Variants in NEGR1 observed in about 807,000 individuals in gnomAD.
The protein encoded by NEGR1 is neuronal growth regulator 1.
Under a neutral mutation model 40.9 loss-of-function variants are expected in NEGR1, and 10 were observed. The ratio of observed to expected loss-of-function variants is 0.24; its 90% CI spans 0.15 to 0.42. The LOEUF (loss-of-function observed/expected upper bound fraction) is 0.42, where lower values mean the gene tolerates loss of function less well. NEGR1 is among the 10% of genes least tolerant of loss of function. The pLI is 1.00. For missense variants in NEGR1, 352 were observed against 438.9 expected (o/e 0.80, Z 1.77); for synonymous variants, 185 against 166.8 (o/e 1.11, Z -0.84).
At chr1:71,959,221 T>C (rs769159641) in intron 1 of NEGR1, among the ~76,000 whole-genome samples, 1 of 152,090 alleles carries the variant, frequency 6.6e-6, no homozygotes, top group Admixed American at 6.6e-5. Flanking sequence ...AATCTATATA[T>C]ATAAAAATCC....
chr1:71,986,541 T>C (rs1307340657), intron 1 of NEGR1, among the ~76,000 whole-genome samples: 1 of 152,196 alleles, frequency 6.6e-6, no homozygotes, highest in Non-Finnish European at 1.5e-5. Flanking sequence ...TCTCCCTTTT[T>C]CTGCCTTCCT....
At chr1:71,725,396 G>C (rs1654638215) in intron 3 of NEGR1, among the ~76,000 whole-genome samples, 1 of 151,950 alleles carries the variant, frequency 6.6e-6, no homozygotes, top group South Asian at 2.1e-4. Context: ...GATACTCTTG[G>C]ATTGAACTTT....
chr1:71,474,584 G>A (rs956391311), intron 6 of NEGR1, among the ~76,000 whole-genome samples: 1 of 150,230 alleles, frequency 6.7e-6, no homozygotes, highest in African/African-American at 2.4e-5. Flanking sequence ...GGTGGCAGGT[G>A]CCTATAATCC....
At chr1:71,510,809 T>C (rs1180273930) in intron 6 of NEGR1, among the ~76,000 whole-genome samples, 5 of 152,224 alleles carry the variant, frequency 3.3e-5, no homozygotes, top group African/African-American at 9.6e-5. Context: ...ACTTCCGCTA[T>C]ACTTTGTGTC....
At chr1:71,635,409 C>A (rs1422547395) in intron 4 of NEGR1, among the ~76,000 whole-genome samples, 1 of 152,018 alleles carries the variant, frequency 6.6e-6, no homozygotes, top group Non-Finnish European at 1.5e-5. Flanking sequence ...AGAGTCAGGA[C>A]ATATTGCAGC....
intron 1 of NEGR1, among the ~76,000 whole-genome samples, chr1:71,990,913 TATATA>T (rs1406007554): frequency 2.5e-5 from 3 of 119,492 alleles, no homozygotes; most frequent in African/African-American, 9.0e-5. Context: ...CATATATATA[TATATA>T]TTTTTTTTTT....
At chr1:71,512,549 G>GT (rs1647081820) in intron 6 of NEGR1, among the ~76,000 whole-genome samples, 1 of 150,828 alleles carries the variant, frequency 6.6e-6, no homozygotes, top group Non-Finnish European at 1.5e-5. Flanking sequence ...CCTAACTTAA[G>GT]TAGCACTTAG....
chr1:71,634,700 C>G (rs984717801), intron 4 of NEGR1, among the ~76,000 whole-genome samples: 1 of 152,108 alleles, frequency 6.6e-6, no homozygotes. Context: ...TATTAAGAGT[C>G]ACTCCACATT....
intron 2 of NEGR1, among the ~76,000 whole-genome samples, chr1:71,781,594 A>G (rs7528030): frequency 0.073 from 11,089 of 152,198 alleles, 512 homozygotes; most frequent in East Asian, 0.14. Context: ...AATCTGGCTC[A>G]TAAACACTCA....
chr1:72,229,316 T>C (rs1022483220), intron 1 of NEGR1, among the ~76,000 whole-genome samples: 3 of 149,628 alleles, frequency 2.0e-5, no homozygotes, highest in Non-Finnish European at 3.0e-5. Flanking sequence ...CACAGATAAG[T>C]ACAAATTATA....
At chr1:71,668,610 C>A (rs548400966) in intron 4 of NEGR1, among the ~76,000 whole-genome samples, 1 of 152,082 alleles carries the variant, frequency 6.6e-6, no homozygotes, top group South Asian at 2.1e-4. Flanking sequence ...ACTGAAAGGA[C>A]TTATATTCAC....
At chr1:72,150,430 T>C (rs1553145829) in intron 1 of NEGR1, among the ~76,000 whole-genome samples, 1 of 152,040 alleles carries the variant, frequency 6.6e-6, no homozygotes, top group Non-Finnish European at 1.5e-5. Flanking sequence ...ATTGAAAAAA[T>C]AAACTGAAAT....
intron 2 of NEGR1, among the ~76,000 whole-genome samples, chr1:71,930,090 A>G (rs920319885): frequency 3.9e-5 from 6 of 152,204 alleles, no homozygotes; most frequent in African/African-American, 1.4e-4. Context: ...TTCATAGATT[A>G]AGGTGGTAAT....
chr1:71,468,984 A>G (rs1388137335), intron 6 of NEGR1: 1 of 152,038 alleles, frequency 6.6e-6, no homozygotes, highest in Non-Finnish European at 1.5e-5. Context: ...ATCTGTTTGA[A>G]CCAGGTAAAA....
chr1:71,860,640 C>A (rs1557680121), intron 2 of NEGR1, among the ~76,000 whole-genome samples: 1 of 151,902 alleles, frequency 6.6e-6, no homozygotes, highest in Non-Finnish European at 1.5e-5. Flanking sequence ...AAAAAGTGAG[C>A]TTAGTTTGCT....
chr1:71,434,019 T>C (rs1181595498), intron 6 of NEGR1, among the ~76,000 whole-genome samples: 2 of 152,212 alleles, frequency 1.3e-5, no homozygotes, highest in Admixed American at 6.5e-5. Context: ...CAATGGCTGG[T>C]CAAATTGTGT....
intron 6 of NEGR1, among the ~76,000 whole-genome samples, chr1:71,513,849 G>A (rs111702175): frequency 1.0e-4 from 15 of 150,082 alleles, no homozygotes; most frequent in African/African-American, 2.9e-4. Flanking sequence ...GACAGTGTGC[G>A]CAGGCCAGTG....
chr1:71,443,065 C>T (rs1646558490), intron 6 of NEGR1, among the ~76,000 whole-genome samples: 1 of 152,202 alleles, frequency 6.6e-6, no homozygotes, highest in Non-Finnish European at 1.5e-5. Context: ...CTTGAACCTT[C>T]TGGTCAATCT....
intron 2 of NEGR1, among the ~76,000 whole-genome samples, chr1:71,832,301 C>T (rs1658869751): frequency 6.6e-6 from 1 of 151,966 alleles, no homozygotes; most frequent in Admixed American, 6.6e-5. Flanking sequence ...CAAAGTGAGA[C>T]ACCACTTGTG....
Sources: gnomAD v4.1 joint callset for allele counts (sites outside exome capture counted in the v4.1 genomes callset) on GRCh38, gnomAD v4.1.1 for gene constraint, MANE v1.5 for transcripts, NCBI Gene and HGNC (gene_info 2026-07-23, HGNC 2026-07-21) for gene names.